Variants in ZFR observed in about 807,000 individuals in gnomAD.
ZFR encodes the protein zinc finger RNA binding protein.
In ZFR, 19 loss-of-function variants were observed where a neutral mutation model predicts 130.7. The observed-to-expected ratio is 0.15, with a 90% CI of 0.10 to 0.21. The LOEUF (loss-of-function observed/expected upper bound fraction) is 0.21. ZFR is among the 10% of genes least tolerant of loss of function. The pLI, the probability that ZFR is intolerant of heterozygous loss-of-function variation, is 1.00. For missense variants in ZFR, 872 were observed against 1,321.5 expected (o/e 0.66, Z 5.27); for synonymous variants, 466 against 456.9 (o/e 1.02, Z -0.25).
chr5:32,360,008 C>G (rs545482900), intron 19 of ZFR, among the ~76,000 whole-genome samples: 117 of 151,664 alleles, frequency 7.7e-4, no homozygotes, highest in African/African-American at 2.8e-3. Context: ...TAAACTTTCA[C>G]TACATGACCA....
At position 32,403,902 on chromosome 5, in the gene ZFR, C is replaced by T; in HGVS notation, c.1224+4G>A. On this transcript the variant is annotated splice_donor_region_variant and intron_variant, in intron 7 of 19. Transcript: ENST00000265069. ...ATAAGGGTGTGTGGGAAAAAAACAC[C>T]TACTTTCTGATGCTTAGCACCACGA... The T allele has an allele frequency of 1.3e-6, 2 of 1,562,168 alleles. No homozygotes were observed. The highest frequency in any genetic ancestry group is 1.7e-6 in the Non-Finnish European group (2 of 1,152,194).
At chr5:32,429,834 C>T (rs1754162805) in intron 2 of ZFR, among the ~76,000 whole-genome samples, 1 of 151,872 alleles carries the variant, frequency 6.6e-6, no homozygotes, top group Non-Finnish European at 1.5e-5. Context: ...TTTGGGAGGT[C>T]AAAGGGGGAG....
At chr5:32,393,917 A>G (rs571029803) in intron 11 of ZFR, among the ~76,000 whole-genome samples, 1 of 152,356 alleles carries the variant, frequency 6.6e-6, no homozygotes, top group African/African-American at 2.4e-5. Context: ...AGGAGGGTCA[A>G]GATATTAATA....
chr5:32,376,886 G>A (rs1287122462), intron 17 of ZFR, among the ~76,000 whole-genome samples: 1 of 151,892 alleles, frequency 6.6e-6, no homozygotes, highest in Admixed American at 6.5e-5. Flanking sequence ...AACGGAGGCA[G>A]GAGAATCGCT....
chr5:32,429,402 A>G (rs1051071980), intron 2 of ZFR, among the ~76,000 whole-genome samples: 1 of 151,910 alleles, frequency 6.6e-6, no homozygotes, highest in Non-Finnish European at 1.5e-5. Context: ...ACATGGTGAA[A>G]CCCTGTCTCC....
chr5:32,443,075 A>C (rs984238438), intron 2 of ZFR, among the ~76,000 whole-genome samples: 22 of 152,176 alleles, frequency 1.4e-4, no homozygotes, highest in African/African-American at 5.1e-4. Flanking sequence ...AGAGCAAAAG[A>C]GACTGAACTC....
chr5:32,444,286 T>C lies in ZFR; in HGVS notation c.80A>G (p.Asn27Ser), dbSNP rs913794628. The change falls in exon 2 of 20, where the codon AAC becomes AGC. Residue 27 changes from asparagine (N) to serine (S), a missense_variant. Around this residue, in one of 7 missense-constraint regions of ZFR, gnomAD observed 240 missense variants for 441.2 expected, o/e 0.54. Coordinates refer to ENST00000265069, the MANE Select transcript of ZFR (RefSeq NM_016107.5). ...LGEDAKMATG[N>S]YFGFTHSGAA... ...CCCGCTGTGGGTGAATCCAAAGTAG[T>C]TGCCGGTCGCCATTTTGGCATCTTC... 7 of 1,550,884 alleles carry C rather than the reference T, an allele frequency of 4.5e-6. No homozygotes were observed. The highest frequency in any genetic ancestry group is 1.2e-5 in the South Asian group (1 of 83,316).
At chr5:32,415,256 A>C (rs78173541) in intron 4 of ZFR, 69 bp from the exon 5 acceptor site, 1 of 4,196 alleles carries the variant, frequency 2.4e-4, no homozygotes, top group South Asian at 1.4e-3. Context: ...CAGTATCCTT[A>C]AAAAGCTGGA....
At chr5:32,428,345 C>T (rs187808158) in intron 2 of ZFR, among the ~76,000 whole-genome samples, 41 of 152,120 alleles carry the variant, frequency 2.7e-4, no homozygotes, top group Admixed American at 1.8e-3. Flanking sequence ...ACCAAGGAGG[C>T]GGAGGTTGCA....
chr5:32,358,555 G>A (rs1391823398), intron 19 of ZFR, among the ~76,000 whole-genome samples: 2 of 152,114 alleles, frequency 1.3e-5, no homozygotes, highest in Non-Finnish European at 2.9e-5. Flanking sequence ...AGCTACTCGG[G>A]AGGCAGAGGC....
chr5:32,432,559 A>C (rs1265367954), intron 2 of ZFR, among the ~76,000 whole-genome samples: 1 of 152,012 alleles, frequency 6.6e-6, no homozygotes, highest in Non-Finnish European at 1.5e-5. Context: ...CAAACTCCTG[A>C]GGTCAAGTAA....
rs114498529 is a variant in ZFR at position 32,366,260 on chromosome 5, G to C, written c.2836-1985C>G. On this transcript the variant is annotated intron_variant, in intron 17 of 19. Coordinates refer to ENST00000265069, the MANE Select transcript of ZFR (RefSeq NM_016107.5). The stretch of plus-strand genomic sequence containing the variant: ...ACACAAAATTGAAGTCATAAAATAC[G>C]TAACTTTCGATAAATGCCTCAAATT... Among the ~76,000 whole-genome samples the C allele has an allele frequency of 3.9e-5, 6 of 152,254 alleles. No individual in the cohort carries two copies. The East Asian group carries it at 1.2e-3, about 29-fold the overall frequency.
intron 10 of ZFR, 69 bp from the exon 11 acceptor site, chr5:32,395,373 C>T (rs1753279990): frequency 8.1e-7 from 1 of 1,232,024 alleles, no homozygotes; most frequent in Non-Finnish European, 1.1e-6. Flanking sequence ...TTTAATCATA[C>T]AATTACACTT....
chr5:32,397,884 G>C (rs1753354558), intron 9 of ZFR, among the ~76,000 whole-genome samples: 1 of 109,426 alleles, frequency 9.1e-6, no homozygotes, highest in African/African-American at 3.7e-5. Flanking sequence ...TTGAGATGGA[G>C]TCTTGCTCTG....
chr5:32,403,436 A>C lies in ZFR; in HGVS notation c.1225-39T>G, dbSNP rs1258169339. On this transcript the variant is annotated intron_variant, in intron 7 of 19. Transcript: ENST00000265069. ...GCACACTTATTTGTCAGGAAACTCA[A>C]ATAGATTTTGAAAAGTCTGCCTGGA... is the stretch of plus-strand genomic sequence containing the variant. The C allele has an allele frequency of 2.5e-6, 4 of 1,583,900 alleles. No homozygotes were observed. In the East Asian group the frequency reaches 6.7e-5, roughly 27 times the overall value.
At chr5:32,427,064 A>G (rs367832708) in intron 2 of ZFR, among the ~76,000 whole-genome samples, 7 of 152,190 alleles carry the variant, frequency 4.6e-5, no homozygotes, top group East Asian at 3.8e-4. Context: ...TTGCATTCCT[A>G]TATGTTAACA....
At position 32,444,740 on chromosome 5, in the gene ZFR, G is replaced by A. The variant is rs966530332; in HGVS notation, c.-82C>T. 1.4e-6 allele frequency: 2 copies of A among 1,476,700 alleles called. No individual in the cohort carries two copies. The highest frequency in any genetic ancestry group is 3.0e-5 in the African/African-American group (2 of 67,682). The allele number at this position is 1,476,700 out of a possible 1,614,324, so 91.5% of individuals were successfully genotyped here. A position where few individuals can be genotyped will look rare whatever the true frequency, so the allele number is the denominator to read the frequency against. ...CCCCGCTCCTCCTCAGCGGAGAACA[G>A]ACCGCCGCCTCCGACCGCACTGCGC... is the stretch of plus-strand genomic sequence containing the variant. On this transcript the variant is annotated 5_prime_UTR_variant, in exon 1 of 20. Coordinates refer to ENST00000265069, the MANE Select transcript of ZFR (RefSeq NM_016107.5).
chr5:32,422,793 T>C, intron 2 of ZFR, among the ~76,000 whole-genome samples: 1 of 10,690 alleles, frequency 9.4e-5, no homozygotes, highest in African/African-American at 5.1e-4. Context: ...GAGTAAAACC[T>C]GTCTCAAAAA....
chr5:32,407,331 T>C (rs1364116427), intron 5 of ZFR, among the ~76,000 whole-genome samples: 5 of 151,468 alleles, frequency 3.3e-5, no homozygotes, highest in Non-Finnish European at 1.5e-5. Context: ...TGTCTGTTTA[T>C]AGAATCTGCT....
Sources: allele counts gnomAD v4.1 joint callset (sites outside exome capture counted in the v4.1 genomes callset), GRCh38; gene constraint gnomAD v4.1.1; regional missense constraint gnomAD v4.1.1; transcripts MANE v1.5; gene names NCBI Gene and HGNC (gene_info 2026-07-23, HGNC 2026-07-21).